SLC60A1: variants seen among roughly 807,000 people sequenced by gnomAD.
SLC60A1 encodes the protein major facilitator superfamily domain containing 4.
the SLC60A1 span, among the ~76,000 whole-genome samples, chr1:205,577,103 A>C: frequency 1.6e-3 from 241 of 152,276 alleles, 2 homozygotes; most frequent in African/African-American, 5.5e-3. The surrounding 1 kb of genome is among the most constrained non-coding windows in gnomAD (Gnocchi z 5.2). Flanking sequence ...GACAGAGATG[A>C]GACCTGGACA....
chr1:205,583,444 C>T, the SLC60A1 span, among the ~76,000 whole-genome samples: 1 of 152,336 alleles, frequency 6.6e-6, no homozygotes, highest in South Asian at 2.1e-4. Context: ...TCCATTCTGG[C>T]TTTGCCCCAA....
the SLC60A1 span, among the ~76,000 whole-genome samples, chr1:205,588,035 A>G: frequency 2.6e-5 from 4 of 152,124 alleles, no homozygotes; most frequent in East Asian, 7.7e-4. Context: ...GTGAATCCGA[A>G]TGTCCAGGAG....
At chr1:205,587,955 C>T in the SLC60A1 span, among the ~76,000 whole-genome samples, 2 of 152,078 alleles carry the variant, frequency 1.3e-5, no homozygotes, top group Non-Finnish European at 2.9e-5. Context: ...TAGGCATTGC[C>T]CATAGACACT....
the SLC60A1 span, chr1:205,592,086 C>T: frequency 1.9e-6 from 3 of 1,604,646 alleles, no homozygotes; most frequent in South Asian, 2.2e-5. Context: ...GGTTCCTCAC[C>T]ACCGATGCTC....
chr1:205,579,609 G>T, the SLC60A1 span: 1 of 916,250 alleles, frequency 1.1e-6, no homozygotes, highest in East Asian at 2.5e-5. Flanking sequence ...GCTAATAAGT[G>T]AGCAGCTTCT....
chr1:205,590,910 C>T, the SLC60A1 span, among the ~76,000 whole-genome samples: 6 of 152,234 alleles, frequency 3.9e-5, no homozygotes, highest in South Asian at 1.0e-3. Flanking sequence ...TATTATTTCA[C>T]CACCACTCTT....
At chr1:205,580,883 C>T in the SLC60A1 span, 9 of 1,613,844 alleles carry the variant, frequency 5.6e-6, no homozygotes, top group South Asian at 1.1e-5. The surrounding 1 kb of genome is among the most constrained non-coding windows in gnomAD (Gnocchi z 5.0). Context: ...GGCAGGGACC[C>T]GAGTGTCCTA....
chr1:205,582,169 G>C, the SLC60A1 span, among the ~76,000 whole-genome samples: 1 of 152,336 alleles, frequency 6.6e-6, no homozygotes, highest in Admixed American at 6.5e-5. Context: ...TTCCTTCCAG[G>C]AGAGACCTGC....
chr1:205,593,414 T>TGGGCC, the SLC60A1 span, among the ~76,000 whole-genome samples: 1 of 17,192 alleles, frequency 5.8e-5, no homozygotes. Flanking sequence ...GAGCTTGCAG[T>TGGGCC]GAGCACTCCA....
chr1:205,597,876 G>A, the SLC60A1 span: 11 of 1,610,010 alleles, frequency 6.8e-6, no homozygotes, highest in East Asian at 2.2e-5. Context: ...TAAGGGAGAG[G>A]GGAGCATTTG....
the SLC60A1 span, among the ~76,000 whole-genome samples, chr1:205,588,467 A>G: frequency 2.2e-5 from 2 of 90,396 alleles, no homozygotes; most frequent in African/African-American, 4.1e-5. Context: ...AAGACTTCAA[A>G]TCAAAAAAAA....
chr1:205,588,620 G>A, the SLC60A1 span, among the ~76,000 whole-genome samples: 1 of 152,162 alleles, frequency 6.6e-6, no homozygotes, highest in Non-Finnish European at 1.5e-5. Flanking sequence ...TTTGGGAACT[G>A]CAGCTGAGTG....
At chr1:205,591,870 G>C in the SLC60A1 span, among the ~76,000 whole-genome samples, 3 of 152,200 alleles carry the variant, frequency 2.0e-5, no homozygotes, top group Non-Finnish European at 2.9e-5. Context: ...AAATGCTTAC[G>C]CAGCGTGTAC....
the SLC60A1 span, among the ~76,000 whole-genome samples, chr1:205,591,510 AAAG>A: frequency 6.6e-6 from 1 of 151,472 alleles, no homozygotes; most frequent in Non-Finnish European, 1.5e-5. Context: ...AAAGGAAAGA[AAAG>A]AAAGATTTCT....
the SLC60A1 span, chr1:205,584,218 ATT>A: frequency 0.042 from 32,184 of 773,546 alleles, no homozygotes; most frequent in East Asian, 0.064. Flanking sequence ...ATCACAGGTG[ATT>A]TTTTTTTTTT....
the SLC60A1 span, chr1:205,579,488 A>C: frequency 1.7e-6 from 1 of 575,174 alleles, no homozygotes. Context: ...TTAAGGAAAT[A>C]ACGTGCAATT....
chr1:205,581,445 G>A, the SLC60A1 span, among the ~76,000 whole-genome samples: 5 of 152,234 alleles, frequency 3.3e-5, no homozygotes, highest in East Asian at 9.6e-4. The surrounding 1 kb of genome is among the most constrained non-coding windows in gnomAD (Gnocchi z 4.2). Context: ...CACATACCGA[G>A]GCCCGCTTTG....
chr1:205,580,765 C>G, the SLC60A1 span: 2 of 1,614,192 alleles, frequency 1.2e-6, no homozygotes, highest in African/African-American at 2.7e-5. The surrounding 1 kb of genome is among the most constrained non-coding windows in gnomAD (Gnocchi z 5.0). Context: ...CGGCCAACAC[C>G]ACCTCCCGAG....
chr1:205,599,072 G>C, the SLC60A1 span: 1 of 1,605,056 alleles, frequency 6.2e-7, no homozygotes. Context: ...TGCTTCCTCC[G>C]ATACACCTTC....
Sources: gnomAD v4.1 joint callset for allele counts (sites outside exome capture counted in the v4.1 genomes callset) on GRCh38, gnomAD v4.1.1 for gene constraint, Gnocchi (gnomAD v3.1) non-coding constraint, MANE v1.5 for transcripts, NCBI Gene and HGNC (gene_info 2026-07-23, HGNC 2026-07-21) for gene names.